Variants in RNF14 observed in about 807,000 individuals in gnomAD.
The protein encoded by RNF14 is ring finger protein 14.
RNF14 carries 26 observed loss-of-function variants against 52.6 expected under a neutral mutation model. The ratio of observed to expected loss-of-function variants is 0.49; its 90% CI spans 0.36 to 0.69. The LOEUF is 0.69. Ranked by LOEUF, RNF14 falls within the 30% of genes least tolerant of loss-of-function variation. The probability of loss-of-function intolerance (pLI) is 0.00; values close to 1 mark genes in which losing one functional copy is unlikely to be tolerated. For synonymous variants in RNF14, 194 were observed against 202.0 expected, an observed-to-expected ratio of 0.96 and a Z score of 0.34; for missense variants, 404 against 560.4, an observed-to-expected ratio of 0.72 and a Z score of 2.82.
At chr5:141,955,506 C>G (rs375566712), upstream of RNF14, 3 of 1,614,180 alleles carry the variant, frequency 1.9e-6, no homozygotes, top group Non-Finnish European at 2.5e-6. This position sits in a 1 kb window ranked among gnomAD's most constrained non-coding sequence, Gnocchi z 5.5. Flanking sequence ...CTGCCTGACC[C>G]CTGAGCACAG....
rs1288002215 is a variant in RNF14 at position 141,980,323 on chromosome 5, T to C, written c.1035T>C (p.His345=). 2.5e-6 allele frequency: 4 copies of C among 1,614,130 alleles called. No homozygotes were observed. The highest frequency in any genetic ancestry group is 1.3e-5 in the African/African-American group (1 of 75,068). ...AFCTLCRLTY[H]GVSPCKVTAE... ...GTACTTTGTGCAGGTTGACCTACCA[T>C]GGGGTCTCCCCATGTAAGGTGACTG... Residue 345 remains histidine (H), a synonymous_variant, in exon 6 of 9, where the codon CAT becomes CAC. Coordinates refer to ENST00000394520, the MANE Select transcript of RNF14 (RefSeq NM_004290.5).
chr5:141,987,833 A>C lies in RNF14; in HGVS notation c.*43A>C. The stretch of plus-strand genomic sequence containing the variant: ...TATGGAAGTGGATTGTTTTTCCCTA[A>C]TCTTCCGTCAAGTACACAAAGTAAC... On this transcript the variant is annotated 3_prime_UTR_variant, in exon 9 of 9. Transcript: ENST00000394520. 1 of 1,568,388 alleles carries C rather than the reference A, an allele frequency of 6.4e-7. No individual in the cohort carries two copies. Among genetic ancestry groups the C allele is most frequent in the Non-Finnish European group, 8.8e-7 (1 of 1,140,138 alleles).
the RNF14 span, chr5:141,949,625 A>G: frequency 1.9e-6 from 3 of 1,590,316 alleles, no homozygotes; most frequent in Non-Finnish European, 2.6e-6. Context: ...GGACATTCCC[A>G]TATAGATTCA....
chr5:141,962,702 TCAAGAAAAATA>T (rs2126937642), upstream of RNF14, among the ~76,000 whole-genome samples: 1 of 152,336 alleles, frequency 6.6e-6, no homozygotes, highest in South Asian at 2.1e-4. Flanking sequence ...TTCATGATTT[TCAAGAAAAATA>T]CAAGAAAAGA....
At chr5:141,971,570 TCTTTCTTTC>T (rs763879777) in intron 2 of RNF14, among the ~76,000 whole-genome samples, 18,922 of 137,744 alleles carry the variant, frequency 0.14, 1,903 homozygotes, top group Admixed American at 0.22. Flanking sequence ...TCTTTTTCTT[TCTTTCTTTC>T]TTTCTTTCTT....
intron 7 of RNF14, among the ~76,000 whole-genome samples, chr5:141,983,770 G>GTT (rs926032066): frequency 3.3e-5 from 5 of 151,898 alleles, no homozygotes; most frequent in Middle Eastern, 3.2e-3. Context: ...AGTGACCATT[G>GTT]TTCTCACATT....
At chr5:141,986,517 T>C (rs2127063164) in intron 8 of RNF14, among the ~76,000 whole-genome samples, 1 of 152,352 alleles carries the variant, frequency 6.6e-6, no homozygotes, top group South Asian at 2.1e-4. Context: ...AGTCTTGCCT[T>C]ATTCCATGTA....
At chr5:141,980,799 A>G (rs558966936) in intron 6 of RNF14, among the ~76,000 whole-genome samples, 146 of 152,316 alleles carry the variant, frequency 9.6e-4, no homozygotes, top group Middle Eastern at 3.4e-3. Flanking sequence ...AGGAAATTCT[A>G]TATACAAACA....
At chr5:141,973,295 G>A (rs550358119) in intron 2 of RNF14, among the ~76,000 whole-genome samples, 2 of 146,386 alleles carry the variant, frequency 1.4e-5, no homozygotes, top group South Asian at 2.1e-4. Flanking sequence ...CTGGAGTGCA[G>A]TGGCGTGATG....
chr5:141,951,502 C>G, the RNF14 span: 24 of 1,614,044 alleles, frequency 1.5e-5, no homozygotes, highest in East Asian at 2.2e-5. Flanking sequence ...CCTGCTGCCT[C>G]CTGGCTTGGC....
chr5:141,980,038 T>C (rs1596694567), intron 5 of RNF14, 85 bp from the exon 6 acceptor site: 1 of 1,072,066 alleles, frequency 9.3e-7, no homozygotes, highest in Middle Eastern at 2.0e-4. Flanking sequence ...GCCCATCTGG[T>C]TTACACTAGC....
chr5:141,965,026 A>G (rs1753311175), upstream of RNF14, among the ~76,000 whole-genome samples: 1 of 152,194 alleles, frequency 6.6e-6, no homozygotes, highest in South Asian at 2.1e-4. Context: ...CAATGACAAG[A>G]GACCAGCAAG....
At chr5:141,957,826 A>G (rs766911060), upstream of RNF14, 10 of 1,600,444 alleles carry the variant, frequency 6.2e-6, no homozygotes, top group Non-Finnish European at 8.5e-6. This position sits in a 1 kb window ranked among gnomAD's most constrained non-coding sequence, Gnocchi z 4.3. Flanking sequence ...CAAAAGCCCC[A>G]GCAGAAGTTG....
rs751223781 is a variant in RNF14, at chr5:141,978,673, A to G, written c.677A>G (p.Glu226Gly). 33 of 1,614,020 alleles carry G rather than the reference A, an allele frequency of 2.0e-5. No homozygotes were observed. The highest frequency in any genetic ancestry group is 2.8e-5 in the Non-Finnish European group (33 of 1,179,874). ...TTCCTGTGCAGTATCTGTTTCTGTG[A>G]GAAGCTGGGTAGTGAATGCATGTAC... ...KLFLCSICFCEKLGSECMYFL... is the reference protein window; with the variant it reads ...KLFLCSICFCGKLGSECMYFL... The change falls in exon 5 of 9, where the codon GAG becomes GGG. Residue 226 changes from glutamate to glycine, a missense_variant. Physicochemically the swap from Glu to Gly is moderately conservative, Grantham distance 98 (BLOSUM62 -2). Coordinates refer to ENST00000394520, the MANE Select transcript of RNF14 (RefSeq NM_004290.5).
At chr5:141,964,289 G>A (rs888709004), upstream of RNF14, among the ~76,000 whole-genome samples, 4 of 152,152 alleles carry the variant, frequency 2.6e-5, no homozygotes, top group Non-Finnish European at 5.9e-5. Flanking sequence ...CTTGAGCCAA[G>A]TATTGACTTG....
upstream of RNF14, chr5:141,955,181 C>T (rs1255666962): frequency 1.2e-6 from 2 of 1,614,090 alleles, no homozygotes; most frequent in African/African-American, 1.3e-5. This position sits in a 1 kb window ranked among gnomAD's most constrained non-coding sequence, Gnocchi z 5.5. Context: ...TGGTCTCCAG[C>T]CAGCCTCCCT....
rs925253273 is a variant in RNF14 at position 141,989,754 on chromosome 5, A to G, written c.*1964A>G. On this transcript the variant is annotated 3_prime_UTR_variant, in exon 9 of 9. Transcript: ENST00000394520. ...AATTAAAGATAAGAAATGGAAATTAAAATGATTTGTTCTACAGTATATACC... is the reference window on the plus strand; with the variant it reads ...AATTAAAGATAAGAAATGGAAATTAGAATGATTTGTTCTACAGTATATACC... The G allele has an allele frequency of 2.0e-5, 3 of 152,110 alleles. No homozygotes were observed. Among genetic ancestry groups the G allele is most frequent in the African/African-American group, 7.2e-5 (3 of 41,446 alleles). 9.4% of individuals were successfully genotyped at this position (152,110 alleles called of 1,614,324 possible). A position where few individuals can be genotyped will look rare whatever the true frequency, so the allele number is the denominator to read the frequency against.
chr5:141,979,498 C>A (rs185557037), intron 5 of RNF14, among the ~76,000 whole-genome samples: 19 of 152,280 alleles, frequency 1.2e-4, no homozygotes, highest in African/African-American at 4.6e-4. Context: ...GTGATCCTCC[C>A]GCTTTGGCCT....
At chr5:141,955,064 G>C, upstream of RNF14, 2 of 1,614,224 alleles carry the variant, frequency 1.2e-6, no homozygotes, top group South Asian at 2.2e-5. The surrounding 1 kb of genome is among the most constrained non-coding windows in gnomAD (Gnocchi z 5.5). Flanking sequence ...CGCAGGATCT[G>C]ACGGGGCCCT....
Sources: gnomAD v4.1 joint callset for allele counts (sites outside exome capture counted in the v4.1 genomes callset) on GRCh38, gnomAD v4.1.1 for gene constraint, Gnocchi (gnomAD v3.1) non-coding constraint, MANE v1.5 for transcripts, NCBI Gene and HGNC (gene_info 2026-07-23, HGNC 2026-07-21) for gene names.